Variants in MYO16 observed in about 807,000 individuals in gnomAD.
MYO16 encodes unconventional myosin-XVI.
Under a neutral mutation model 205.3 loss-of-function variants are expected in MYO16, and 94 were observed. That is an observed-to-expected ratio of 0.46 (90% CI 0.39 to 0.54). MYO16 has a LOEUF of 0.54. Among genes scored for constraint, MYO16 ranks in the 20% least tolerant of loss-of-function variants. The pLI, the probability that MYO16 is intolerant of heterozygous loss-of-function variation, is 0.00. For synonymous variants in MYO16, 988 were observed against 954.0 expected (o/e 1.04, Z -0.66); for missense variants, 2,315 against 2,387.5 (o/e 0.97, Z 0.63).
intron 27 of MYO16, among the ~76,000 whole-genome samples, chr13:109,083,383 CAAAAAAAAAAAAAAAAAAAAAAAA>C (rs71125367): frequency 3.8e-5 from 2 of 52,324 alleles, no homozygotes; most frequent in African/African-American, 1.7e-4. Context: ...AACTCCGTCT[CAAAAAAAAAAAAAAAAAAAAAAAA>C]AAAAAAAAAA....
Position 108,888,424 on chromosome 13 carries a change from C to T in MYO16, c.1606C>T (p.Leu536Phe). 1.2e-6 allele frequency: 2 copies of T among 1,612,304 alleles called. No individual in the cohort carries two copies. The highest frequency in any genetic ancestry group is 1.7e-6 in the Non-Finnish European group (2 of 1,179,366). ...SEASKQIIRH[L>F]TCRAGASRAT... is the part of the protein sequence containing the mutation. ...AGCCAGCAAACAAATCATAAGACACCTCACCTGCAGGGCTGGCGCCAGCAG... is the reference window on the plus strand; with the variant it reads ...AGCCAGCAAACAAATCATAAGACACTTCACCTGCAGGGCTGGCGCCAGCAG... The change falls in exon 14 of 35, where the codon CTC becomes TTC. Residue 536 changes from leucine (L) to phenylalanine (F), a missense_variant. This residue lies in a region of MYO16 where 1,213 missense variants were observed against 1,274.4 expected (regional missense o/e 0.95). Transcript: ENST00000457511.
At chr13:108,786,940 T>C (rs1302970502) in intron 5 of MYO16, among the ~76,000 whole-genome samples, 1 of 152,212 alleles carries the variant, frequency 6.6e-6, no homozygotes, top group East Asian at 1.9e-4. Context: ...GCAGATTCCA[T>C]TACTTCTAAA....
chr13:108,602,568 A>G (rs1878804618), intron 1 of MYO16, among the ~76,000 whole-genome samples: 1 of 143,632 alleles, frequency 7.0e-6, no homozygotes, highest in Non-Finnish European at 1.6e-5. Flanking sequence ...AATGTAACCA[A>G]ATATGGGGAA....
chr13:108,555,286 G>A, the MYO16 span, among the ~76,000 whole-genome samples: 24 of 152,206 alleles, frequency 1.6e-4, no homozygotes, highest in African/African-American at 5.5e-4. Context: ...CTGGCTTTCC[G>A]ATTTTTAAAA....
chr13:109,176,474 C>A (rs1566549636), intron 33 of MYO16, among the ~76,000 whole-genome samples: 1 of 131,816 alleles, frequency 7.6e-6, no homozygotes, highest in African/African-American at 2.8e-5. Context: ...AATCCGTTTT[C>A]TTTTTTTTTA....
intron 4 of MYO16, among the ~76,000 whole-genome samples, chr13:108,738,769 T>G (rs896843946): frequency 2.0e-5 from 3 of 152,210 alleles, no homozygotes; most frequent in African/African-American, 4.8e-5. Flanking sequence ...TGTGTGCAAG[T>G]CTAAGTCTCT....
chr13:108,638,108 A>G (rs1443596346), intron 1 of MYO16, among the ~76,000 whole-genome samples: 1 of 152,078 alleles, frequency 6.6e-6, no homozygotes, highest in Non-Finnish European at 1.5e-5. Context: ...TTGTTAAGGG[A>G]AAATCACTCT....
chr13:108,876,959 C>A lies in MYO16; in HGVS notation c.1426-6100C>A, dbSNP rs563732525. 2.4e-4 allele frequency among the ~76,000 whole-genome samples: 36 copies of A among 152,268 alleles called. 2 individuals are homozygous for A. In the East Asian group the frequency reaches 3.7e-3, roughly 16 times the overall value. ...GGGATTACAGGCGTGAGTCACCGCG[C>A]CCAGCCATTAACTGTATTCTTTTAC... On this transcript the variant is annotated intron_variant, in intron 12 of 34. Coordinates refer to ENST00000457511, the MANE Select transcript of MYO16 (RefSeq NM_001198950.3).
At chr13:108,646,712 T>C (rs890426736) in intron 1 of MYO16, among the ~76,000 whole-genome samples, 11 of 152,160 alleles carry the variant, frequency 7.2e-5, no homozygotes, top group African/African-American at 2.7e-4. Context: ...ATGAAAGTAT[T>C]CTGTGACTAA....
At chr13:108,598,930 C>T (rs1440149949) in intron 1 of MYO16, among the ~76,000 whole-genome samples, 3 of 150,964 alleles carry the variant, frequency 2.0e-5, no homozygotes, top group Non-Finnish European at 4.4e-5. Context: ...ATGTGCCATG[C>T]TGGTGTGCTG....
At chr13:108,944,350 T>A (rs1044409508) in intron 16 of MYO16, among the ~76,000 whole-genome samples, 2 of 152,194 alleles carry the variant, frequency 1.3e-5, no homozygotes, top group African/African-American at 4.8e-5. Context: ...CTGTTAAGAT[T>A]GAAGAGGAAA....
chr13:109,073,226 C>T (rs1255871975), intron 27 of MYO16, among the ~76,000 whole-genome samples: 1 of 151,714 alleles, frequency 6.6e-6, no homozygotes, highest in Non-Finnish European at 1.5e-5. Context: ...CTCAGCATCC[C>T]GAGTAGCTAG....
chr13:109,140,454 G>A lies in MYO16; in HGVS notation c.4242G>A (p.Pro1414=). Residue 1414 remains proline (P), a synonymous_variant, in exon 32 of 35, where the codon CCG becomes CCA. Transcript: ENST00000457511. The surrounding 1 kb of genome is among the most constrained non-coding windows in gnomAD (Gnocchi z 8.0). ...AAARVLTPGT[P]QCALPPAAPP... ...CGCGCGTTCTGACCCCCGGGACTCC[G>A]CAGTGCGCGCTGCCCCCGGCGGCGC... The A allele has an allele frequency of 6.5e-7, 1 of 1,543,098 alleles. No individual in the cohort carries two copies. The highest frequency in any genetic ancestry group is 2.5e-5 in the East Asian group (1 of 40,290).
rs112806088 is a variant in MYO16 at position 108,983,256 on chromosome 13, T to C, written c.2370-9120T>C. ...ATTCTCCTCTTTCTCTCTCCTGTCT[T>C]CCTCCTTCTCTCTTACCAATGCATT... On this transcript the variant is annotated intron_variant, in intron 20 of 34. Coordinates refer to ENST00000457511, the MANE Select transcript of MYO16 (RefSeq NM_001198950.3). Among the ~76,000 whole-genome samples, 660 of 152,280 alleles carry C rather than the reference T, an allele frequency of 4.3e-3. 3 individuals carry two copies. The highest frequency in any genetic ancestry group is 0.014 in the African/African-American group (587 of 41,562).
Position 108,862,222 on chromosome 13 carries a change from A to C in MYO16, c.1360-3955A>C, listed in dbSNP as rs571850067. On this transcript the variant is annotated intron_variant, in intron 11 of 34. Coordinates refer to ENST00000457511, the MANE Select transcript of MYO16 (RefSeq NM_001198950.3). The stretch of plus-strand genomic sequence containing the variant: ...CAAATCACAATCCTGAAAGAATAAA[A>C]TTCTGAATGTTAAAATCCTGAAAGC... Among the ~76,000 whole-genome samples, 357 of 152,322 alleles carry C rather than the reference A, an allele frequency of 2.3e-3. 1 individual carries two copies. Among genetic ancestry groups the C allele is most frequent in the African/African-American group, 7.5e-3 (312 of 41,588 alleles).
At chr13:108,879,275 T>C (rs1012423548) in intron 12 of MYO16, among the ~76,000 whole-genome samples, 10 of 152,242 alleles carry the variant, frequency 6.6e-5, no homozygotes, top group Admixed American at 3.3e-4. Context: ...TTGTGGATCA[T>C]GTATTCTACT....
chr13:109,181,826 A>ATTTTTT (rs950434173), intron 34 of MYO16, among the ~76,000 whole-genome samples: 5 of 144,630 alleles, frequency 3.5e-5, no homozygotes, highest in African/African-American at 1.3e-4. Flanking sequence ...ATTTTATTTT[A>ATTTTTT]TTTTTTTTTT....
At chr13:108,537,624 T>A in the MYO16 span, among the ~76,000 whole-genome samples, 3 of 152,242 alleles carry the variant, frequency 2.0e-5, no homozygotes, top group Middle Eastern at 3.4e-3. Flanking sequence ...TAACAGTGGG[T>A]AAGCATTTCC....
At chr13:108,972,241 C>CTATATATA (rs1884048364) in intron 20 of MYO16, among the ~76,000 whole-genome samples, 1 of 13,980 alleles carries the variant, frequency 7.2e-5, no homozygotes, top group Non-Finnish European at 1.5e-4. Context: ...CTCTCTCTCT[C>CTATATATA]TCTCTCTCTA....
Sources: gnomAD v4.1 joint callset for allele counts (sites outside exome capture counted in the v4.1 genomes callset) on GRCh38, gnomAD v4.1.1 for gene constraint, gnomAD v4.1.1 regional missense constraint, Gnocchi (gnomAD v3.1) non-coding constraint, MANE v1.5 for transcripts, NCBI Gene and HGNC (gene_info 2026-07-23, HGNC 2026-07-21) for gene names.